Variants in VIRMA observed in about 807,000 individuals in gnomAD.
The protein encoded by VIRMA is protein virilizer homolog.
A neutral mutation model predicts 182.4 loss-of-function variants in VIRMA; 65 were observed. That is an observed-to-expected ratio of 0.36 (90% CI 0.29 to 0.44). The LOEUF (loss-of-function observed/expected upper bound fraction) is 0.44. VIRMA is among the 20% of genes least tolerant of loss of function. VIRMA has a pLI of 1.00. For synonymous variants in VIRMA, 709 were observed against 743.1 expected (o/e 0.95, Z 0.75); for missense variants, 1,752 against 2,158.1 (o/e 0.81, Z 3.73).
At chr8:94,525,733 G>A (rs1563472036) in intron 8 of VIRMA, among the ~76,000 whole-genome samples, 1 of 152,198 alleles carries the variant, frequency 6.6e-6, no homozygotes, top group Non-Finnish European at 1.5e-5. Context: ...TGGCAAAACT[G>A]TATCAACAGA....
chr8:94,512,119 C>T (rs758500739), intron 11 of VIRMA, 30 bp from the exon 12 acceptor site: 44 of 1,228,238 alleles, frequency 3.6e-5, no homozygotes, highest in East Asian at 1.4e-4. Flanking sequence ...CAGAATATTT[C>T]GTTTCTTAGT....
intron 6 of VIRMA, 28 bp downstream of exon 6, chr8:94,530,935 A>G (rs759994106): frequency 2.3e-5 from 37 of 1,590,088 alleles, no homozygotes; most frequent in East Asian, 1.6e-4. Flanking sequence ...ACTAGGGGGG[A>G]AAACCTTAGC....
intron 5 of VIRMA, among the ~76,000 whole-genome samples, chr8:94,532,871 G>A (rs1815217886): frequency 6.6e-6 from 1 of 152,098 alleles, no homozygotes; most frequent in Non-Finnish European, 1.5e-5. Context: ...TGAGGTGGAA[G>A]GACTGCTTGA....
At chr8:94,524,350 G>A (rs553657366) in intron 8 of VIRMA, among the ~76,000 whole-genome samples, 1 of 151,760 alleles carries the variant, frequency 6.6e-6, no homozygotes, top group African/African-American at 2.4e-5. Context: ...TGTAGCCCAG[G>A]CTGGAGTGCA....
At chr8:94,550,127 C>A (rs1815924811) in intron 1 of VIRMA, among the ~76,000 whole-genome samples, 1 of 151,496 alleles carries the variant, frequency 6.6e-6, no homozygotes. Context: ...ATGGAAGGAC[C>A]AGAGATGATT....
At position 94,511,215 on chromosome 8, in the gene VIRMA, C is replaced by A. The variant is rs750592733; in HGVS notation, c.3360G>T (p.Leu1120=). 6.2e-7 allele frequency: 1 copy of A among 1,614,022 alleles called. No homozygotes were observed. The highest frequency in any genetic ancestry group is 1.1e-5 in the South Asian group (1 of 91,068). The stretch of plus-strand genomic sequence containing the variant: ...TTGTTTGCATGGGCAATGGAAGAGG[C>A]AGCAGCTCTGAAAGGAGTATGAGTC... ...FSGLILLSEL[L]PLPLPMQTTQ... is the part of the protein sequence containing the mutation. The change falls in exon 13 of 24, where the codon CTG becomes CTT. Residue 1120 remains leucine (L), a synonymous_variant. Transcript: ENST00000297591.
Position 94,511,238 on chromosome 8 carries a change from G to A in VIRMA, c.3337C>T (p.Leu1113Phe). ...LKVPEGFFSG[L>F]ILLSELLPLP... ...GGCAGCAGCTCTGAAAGGAGTATGAGTCCAGAAAAAAATCCTTCAGGAACC... is the reference window on the plus strand; with the variant it reads ...GGCAGCAGCTCTGAAAGGAGTATGAATCCAGAAAAAAATCCTTCAGGAACC... Residue 1113 changes from leucine (L) to phenylalanine (F), a missense_variant, in exon 13 of 24, where the codon CTC becomes TTC. By Grantham distance (22) the Leu-to-Phe change is conservative. This residue lies in a region of VIRMA where 777 missense variants were observed against 920.6 expected (regional missense o/e 0.84). Coordinates refer to ENST00000297591, the MANE Select transcript of VIRMA (RefSeq NM_015496.5). 9 of 1,614,046 alleles carry A rather than the reference G, an allele frequency of 5.6e-6. No individual in the cohort carries two copies. The highest frequency in any genetic ancestry group is 7.6e-6 in the Non-Finnish European group (9 of 1,179,990).
intron 8 of VIRMA, among the ~76,000 whole-genome samples, chr8:94,522,101 A>G (rs1429081157): frequency 6.6e-6 from 1 of 152,226 alleles, no homozygotes; most frequent in African/African-American, 2.4e-5. Context: ...TAAGATAGGC[A>G]GTGAGTGCCT....
chr8:94,526,102 A>G (rs2130346877), intron 8 of VIRMA, 121 bp downstream of exon 8: 2 of 716,718 alleles, frequency 2.8e-6, no homozygotes, highest in East Asian at 2.7e-5. Context: ...CCGTTTTGAA[A>G]TATCAAGTAT....
intron 10 of VIRMA, among the ~76,000 whole-genome samples, chr8:94,515,445 C>T (rs964506597): frequency 6.6e-6 from 1 of 152,028 alleles, no homozygotes; most frequent in African/African-American, 2.4e-5. Context: ...GATCACGGCT[C>T]ACTGCAGTCT....
At chr8:94,529,026 G>A (rs1255642182) in intron 7 of VIRMA, 44 bp downstream of exon 7, 3 of 1,599,248 alleles carry the variant, frequency 1.9e-6, no homozygotes, top group Non-Finnish European at 2.6e-6. Context: ...TATCGAGTTA[G>A]TTTCTAGTAC....
In VIRMA at chr8:94,527,199, A is replaced by C; in HGVS notation, c.1045T>G (p.Leu349Val). ...DPYDRELVPL[L>V]YFSCPYKTTF... The stretch of plus-strand genomic sequence containing the variant: ...GTCTTGTATGGACAACTGAAGTATA[A>C]GAGTGGTACAAGCTCCCTGTCATAT... Residue 349 changes from leucine to valine, a missense_variant, in exon 8 of 24, where the codon TTA (leucine) becomes GTA (valine). Leu to Val is a conservative substitution (Grantham distance 32, BLOSUM62 1). This residue lies in a region of VIRMA where 401 missense variants were observed against 455.1 expected (regional missense o/e 0.88). Coordinates refer to ENST00000297591, the MANE Select transcript of VIRMA (RefSeq NM_015496.5). 1 of 1,614,106 alleles carries C rather than the reference A, an allele frequency of 6.2e-7. No individual in the cohort carries two copies. The highest frequency in any genetic ancestry group is 8.5e-7 in the Non-Finnish European group (1 of 1,179,978).
intron 2 of VIRMA, among the ~76,000 whole-genome samples, chr8:94,538,965 G>A (rs1815443788): frequency 6.6e-6 from 1 of 151,700 alleles, no homozygotes; most frequent in African/African-American, 2.4e-5. Flanking sequence ...GCAGTGGCGT[G>A]ACTACAGCTC....
chr8:94,553,282 TAAAG>T, intron 1 of VIRMA, 99 bp downstream of exon 1: 2 of 1,180,896 alleles, frequency 1.7e-6, no homozygotes, highest in East Asian at 2.3e-5. Flanking sequence ...AGCGAGAAAT[TAAAG>T]AAGCAATCTG....
At chr8:94,500,376 CA>C (rs1359976147) in intron 16 of VIRMA, among the ~76,000 whole-genome samples, 7 of 152,060 alleles carry the variant, frequency 4.6e-5, no homozygotes, top group African/African-American at 1.7e-4. Context: ...TAGGCCTGGG[CA>C]ACAACAAAGA....
In VIRMA at chr8:94,509,901, G is replaced by A. The variant is rs781495486; in HGVS notation, c.3666C>T (p.Thr1222=). The part of the protein sequence containing the change: ...EDKEKQYTSQ[T]TRLLALLDAL... ...CATCAAGAAGAGCAAGCAACCTGGT[G>A]GTTTGGCTAGTATACTGTTTTTCTT... The change falls in exon 15 of 24, where the codon ACC becomes ACT. Residue 1222 remains threonine (T), a synonymous_variant. Transcript: ENST00000297591. The A allele has an allele frequency of 6.2e-7, 1 of 1,613,652 alleles. No individual in the cohort carries two copies. The highest frequency in any genetic ancestry group is 8.5e-7 in the Non-Finnish European group (1 of 1,179,774).
At chr8:94,529,726 G>A (rs933250131) in intron 6 of VIRMA, among the ~76,000 whole-genome samples, 25 of 151,812 alleles carry the variant, frequency 1.6e-4, no homozygotes, top group Admixed American at 1.2e-3. Flanking sequence ...TGCAACCTCC[G>A]CCTCCCAGGC....
At chr8:94,507,190 C>A (rs1814183207) in intron 15 of VIRMA, among the ~76,000 whole-genome samples, 1 of 147,514 alleles carries the variant, frequency 6.8e-6, no homozygotes, top group Non-Finnish European at 1.5e-5. Flanking sequence ...GGCTGGAGTA[C>A]AATGGCATGA....
At chr8:94,500,171 G>A (rs4269508) in intron 16 of VIRMA, among the ~76,000 whole-genome samples, 30,775 of 123,912 alleles carry the variant, frequency 0.25, 4,050 homozygotes, top group East Asian at 0.58. Context: ...AGGTCGAGGC[G>A]GGCAGATCAC....
Sources: allele counts gnomAD v4.1 joint callset (sites outside exome capture counted in the v4.1 genomes callset), GRCh38; gene constraint gnomAD v4.1.1; regional missense constraint gnomAD v4.1.1; transcripts MANE v1.5; gene names NCBI Gene and HGNC (gene_info 2026-07-23, HGNC 2026-07-21).